LRRIQ1: variants seen among roughly 807,000 people sequenced by gnomAD.
LRRIQ1 encodes the protein leucine rich repeats and IQ motif containing 1.
Under a neutral mutation model 211.9 loss-of-function variants are expected in LRRIQ1, and 210 were observed. That is an observed-to-expected ratio of 0.99 (90% CI 0.89 to 1.11). LRRIQ1 has a LOEUF of 1.11. LRRIQ1 is among the 50% of genes most tolerant of loss of function. The pLI is 0.00. For synonymous variants in LRRIQ1, 699 were observed against 650.1 expected (o/e 1.08, Z -1.14); for missense variants, 2,136 against 1,939.5 (o/e 1.10, Z -1.90).
At chr12:85,064,342 A>G (rs1034132616) in intron 8 of LRRIQ1, among the ~76,000 whole-genome samples, 2 of 151,668 alleles carry the variant, frequency 1.3e-5, no homozygotes, top group East Asian at 3.9e-4. Context: ...ATCTATTCAG[A>G]TCTTTTGCCC....
intron 16 of LRRIQ1, among the ~76,000 whole-genome samples, chr12:85,123,862 G>A (rs1294817012): frequency 1.3e-5 from 2 of 152,028 alleles, no homozygotes; most frequent in East Asian, 1.9e-4. Flanking sequence ...CTGGACTGAT[G>A]GTTCTAAATT....
At chr12:85,221,556 G>A (rs1592990378) in intron 24 of LRRIQ1, among the ~76,000 whole-genome samples, 1 of 152,110 alleles carries the variant, frequency 6.6e-6, no homozygotes, top group Non-Finnish European at 1.5e-5. Context: ...AAGGAATGCA[G>A]CGTTGGATGA....
chr12:85,106,454 G>T, intron 14 of LRRIQ1, 68 bp from the exon 15 acceptor site: 1 of 1,095,718 alleles, frequency 9.1e-7, no homozygotes, highest in Non-Finnish European at 1.4e-6. Flanking sequence ...AAATACAGTG[G>T]TCATAGATTT....
chr12:85,191,320 A>G (rs566839044), intron 24 of LRRIQ1, among the ~76,000 whole-genome samples: 2 of 152,024 alleles, frequency 1.3e-5, no homozygotes, highest in South Asian at 4.1e-4. Context: ...TTTTATCTAT[A>G]AGCATCCTTC....
Position 85,038,311 on chromosome 12 carries a change from G to A in LRRIQ1, c.132+3G>A. On this transcript the variant is annotated splice_donor_region_variant and intron_variant, in intron 2 of 26. Coordinates refer to ENST00000393217, the MANE Select transcript of LRRIQ1 (RefSeq NM_001079910.2). ...CCCAGAGTGATGATAGTGATACAGT[G>A]AGTATTGCACTTTTGAGCCTTTTAA... 1 of 1,545,842 alleles carries A rather than the reference G, an allele frequency of 6.5e-7. No individual in the cohort carries two copies.
intron 26 of LRRIQ1, among the ~76,000 whole-genome samples, chr12:85,238,898 C>G (rs1339591946): frequency 6.6e-6 from 1 of 151,928 alleles, no homozygotes; most frequent in African/African-American, 2.4e-5. Context: ...ACAGTTTAGA[C>G]ATAAGTGAAT....
intron 24 of LRRIQ1, among the ~76,000 whole-genome samples, chr12:85,195,508 G>A (rs564950868): frequency 6.6e-6 from 1 of 152,058 alleles, no homozygotes; most frequent in Non-Finnish European, 1.5e-5. Context: ...TGGGATGCAA[G>A]GCTGGTTCAA....
chr12:85,145,337 A>G (rs1354830264), intron 19 of LRRIQ1, among the ~76,000 whole-genome samples: 5 of 151,662 alleles, frequency 3.3e-5, no homozygotes, highest in Non-Finnish European at 7.4e-5. Flanking sequence ...CTGTCCATGA[A>G]ATATTTCCTT....
At chr12:85,112,650 A>G (rs1419186925) in intron 15 of LRRIQ1, among the ~76,000 whole-genome samples, 11 of 151,766 alleles carry the variant, frequency 7.2e-5, no homozygotes, top group Non-Finnish European at 4.4e-5. Context: ...TCTTATTTCT[A>G]CCAGAGAAAA....
In LRRIQ1 at chr12:85,124,382, T is replaced by C. The variant is rs1429298564; in HGVS notation, c.3870T>C (p.His1290=). 1.9e-6 allele frequency: 3 copies of C among 1,613,952 alleles called. No homozygotes were observed. Among genetic ancestry groups the C allele is most frequent in the Non-Finnish European group, 2.5e-6 (3 of 1,180,000 alleles). ...CATGTGAAAATATGGAAGGAAGACA[T>C]CAGGAAATATTAGTATGTCAGAAGA... ...SATCENMEGR[H]QEILVCQKRE... Residue 1290 remains histidine (H), a synonymous_variant, in exon 17 of 27, where the codon CAT becomes CAC. Coordinates refer to ENST00000393217, the MANE Select transcript of LRRIQ1 (RefSeq NM_001079910.2).
At chr12:85,104,302 T>C (rs547956513) in intron 14 of LRRIQ1, among the ~76,000 whole-genome samples, 6 of 152,096 alleles carry the variant, frequency 3.9e-5, no homozygotes, top group Admixed American at 1.3e-4. Context: ...GTTATCCTTT[T>C]ATTTAAAAGT....
intron 25 of LRRIQ1, among the ~76,000 whole-genome samples, chr12:85,231,987 T>C (rs940101410): frequency 3.3e-5 from 5 of 152,140 alleles, no homozygotes; most frequent in Non-Finnish European, 7.3e-5. Flanking sequence ...TAACCAGATA[T>C]AAGAGGTCTT....
At chr12:85,120,954 T>G (rs892562703) in intron 15 of LRRIQ1, among the ~76,000 whole-genome samples, 2 of 151,636 alleles carry the variant, frequency 1.3e-5, no homozygotes, top group Admixed American at 6.6e-5. Context: ...TTGTTTGTTT[T>G]TTGTTTTTTT....
chr12:85,154,938 A>G (rs1325643861), intron 23 of LRRIQ1, among the ~76,000 whole-genome samples: 1 of 151,226 alleles, frequency 6.6e-6, no homozygotes, highest in Non-Finnish European at 1.5e-5. Flanking sequence ...ATATGAAAAA[A>G]TATTTCATAA....
intron 24 of LRRIQ1, among the ~76,000 whole-genome samples, chr12:85,227,654 A>G (rs555113838): frequency 6.6e-6 from 1 of 152,316 alleles, no homozygotes; most frequent in African/African-American, 2.4e-5. Flanking sequence ...CTTTCTTCAC[A>G]GAAATGGAAA....
intron 23 of LRRIQ1, among the ~76,000 whole-genome samples, chr12:85,155,956 CA>C (rs1389455695): frequency 6.6e-6 from 1 of 151,522 alleles, no homozygotes. Context: ...AATTATCAGG[CA>C]AAAATTAAAC....
In LRRIQ1 at chr12:85,072,824, AT is replaced by A. The variant is rs1883235255; in HGVS notation, c.2696-76del. 19 of 915,330 alleles carry A rather than the reference AT, an allele frequency of 2.1e-5. No individual in the cohort carries two copies. In the South Asian group the frequency reaches 4.6e-4, roughly 22 times the overall value. The allele number at this position is 915,330 out of a possible 1,614,324, so 56.7% of individuals were successfully genotyped here. On this transcript the variant is annotated intron_variant, in intron 10 of 26. Transcript: ENST00000393217. ...GTTTTATTTTTTGCTCCAGGTTTAA[AT>A]TTTTTTCTCATATAAGCTATAACCA...
intron 24 of LRRIQ1, among the ~76,000 whole-genome samples, chr12:85,207,133 G>A (rs1893599638): frequency 6.6e-6 from 1 of 152,116 alleles, no homozygotes; most frequent in South Asian, 2.1e-4. Context: ...CTTGTCACCT[G>A]CTCTACTGAC....
At chr12:85,102,884 T>C (rs1268276536) in intron 13 of LRRIQ1, among the ~76,000 whole-genome samples, 1 of 147,182 alleles carries the variant, frequency 6.8e-6, no homozygotes, top group African/African-American at 2.5e-5. Flanking sequence ...AGCCAAAGCA[T>C]ATTTTGAACA....
Sources: gnomAD v4.1 joint callset for allele counts (sites outside exome capture counted in the v4.1 genomes callset) on GRCh38, gnomAD v4.1.1 for gene constraint, MANE v1.5 for transcripts, NCBI Gene and HGNC (gene_info 2026-07-23, HGNC 2026-07-21) for gene names.